The following AGL variants were observed in gnomAD, a reference collection of about 807,000 sequenced individuals.
The protein encoded by AGL is amylo-alpha-1,6-glucosidase and 4-alpha-glucanotransferase.
A neutral mutation model predicts 199.3 loss-of-function variants in AGL; 128 were observed. The ratio of observed to expected loss-of-function variants is 0.64; its 90% confidence interval spans 0.56 to 0.74. The LOEUF (loss-of-function observed/expected upper bound fraction) is 0.74. Ranked by LOEUF, AGL falls within the 30% of genes least tolerant of loss-of-function variation. AGL has a pLI of 0.00. For missense variants in AGL, 1,809 were observed against 1,820.8 expected (o/e 0.99, Z 0.12); for synonymous variants, 584 against 594.7 (o/e 0.98, Z 0.26).
chr1:99,898,742 G>T (rs1172537249), intron 25 of AGL, among the ~76,000 whole-genome samples: 1 of 152,136 alleles, frequency 6.6e-6, no homozygotes, highest in African/African-American at 2.4e-5. Flanking sequence ...GAGGGAAAGA[G>T]AGCTGGGGGA....
intron 26 of AGL, among the ~76,000 whole-genome samples, 156 bp downstream of exon 26, chr1:99,901,017 A>T (rs1339174788): frequency 1.3e-5 from 2 of 151,708 alleles, no homozygotes; most frequent in African/African-American, 4.8e-5. Flanking sequence ...ACTATAAGTG[A>T]TTGGTCTTTG....
chr1:99,876,585 T>C lies in AGL; in HGVS notation c.1411T>C (p.Phe471Leu). ...WVMGDDPLRN[F>L]AEPGSEVYLR... The stretch of plus-strand genomic sequence containing the variant: ...AATGGGAGATGATCCTCTTCGAAAC[T>C]TTGCTGAACCGGGTATGTAATTTTT... Residue 471 changes from phenylalanine (F) to leucine (L), a missense_variant, in exon 11 of 34, where the codon TTT becomes CTT. Physicochemically the swap from Phe to Leu is conservative, Grantham distance 22. Coordinates refer to ENST00000361915, the MANE Select transcript of AGL (RefSeq NM_000642.3). 1 of 1,614,030 alleles carries C rather than the reference T, an allele frequency of 6.2e-7. No homozygotes were observed. Among genetic ancestry groups the C allele is most frequent in the Non-Finnish European group, 8.5e-7 (1 of 1,179,960 alleles).
chr1:99,883,276 T>C lies in AGL; in HGVS notation c.2309-844T>C, dbSNP rs1012817239. Among the ~76,000 whole-genome samples the C allele has an allele frequency of 4.3e-4, 66 of 152,276 alleles. 1 individual carries two copies. The highest frequency in any genetic ancestry group is 1.8e-4 in the Non-Finnish European group (12 of 67,970). ...TGTTGCCAGATTAATGACTTAAAGC[T>C]TAAGTTATTTAAAGTAAGGTTGAAA... On this transcript the variant is annotated intron_variant, in intron 17 of 33. Coordinates refer to ENST00000361915, the MANE Select transcript of AGL (RefSeq NM_000642.3).
In AGL at chr1:99,920,007, A is replaced by AT. The variant is rs1243199536; in HGVS notation, c.4482-1522dup. ...GTCCCACCTAATGACTTCAGGATGA[A>AT]TTTTTCAGGAAAGCAAGGGAAAGGG... On this transcript the variant is annotated intron_variant, in intron 33 of 33. Transcript: ENST00000361915. 1.2e-4 allele frequency among the ~76,000 whole-genome samples: 19 copies of AT among 152,282 alleles called. No individual in the cohort carries two copies. The East Asian group carries it at 3.7e-3, about 29-fold the overall frequency.
intron 27 of AGL, among the ~76,000 whole-genome samples, chr1:99,907,825 TG>T (rs1240422758): frequency 6.6e-6 from 1 of 152,056 alleles, no homozygotes; most frequent in East Asian, 1.9e-4. Context: ...ATATCTTCTT[TG>T]GAGAAATGTC....
At chr1:99,866,001 C>T (rs893164265) in intron 5 of AGL, among the ~76,000 whole-genome samples, 2 of 152,106 alleles carry the variant, frequency 1.3e-5, no homozygotes, top group African/African-American at 2.4e-5. Context: ...GGTGCTGTGG[C>T]TTGCACCTGT....
chr1:99,872,388 A>G (rs926015368), intron 7 of AGL, among the ~76,000 whole-genome samples: 3 of 152,210 alleles, frequency 2.0e-5, no homozygotes, highest in Admixed American at 2.0e-4. Flanking sequence ...GGAATTATTG[A>G]GTCAAAGGGT....
At chr1:99,880,130 G>T (rs1042317913) in intron 13 of AGL, 84 bp downstream of exon 13, 12 of 1,567,102 alleles carry the variant, frequency 7.7e-6, no homozygotes, top group Admixed American at 1.7e-5. Flanking sequence ...CATATGCAAT[G>T]CTTAATAATT....
At chr1:99,901,594 G>T (rs1171159105) in intron 26 of AGL, among the ~76,000 whole-genome samples, 1 of 152,026 alleles carries the variant, frequency 6.6e-6, no homozygotes, top group Non-Finnish European at 1.5e-5. Context: ...GCCAGGTTAT[G>T]GAGAGCCTTG....
chr1:99,854,355 A>T (rs1649228170), intron 2 of AGL, among the ~76,000 whole-genome samples: 1 of 152,228 alleles, frequency 6.6e-6, no homozygotes, highest in African/African-American at 2.4e-5. Flanking sequence ...TTATGAAAAA[A>T]GAATGATGTG....
intron 6 of AGL, 71 bp from the exon 7 acceptor site, chr1:99,870,687 A>G (rs565695913): frequency 3.8e-5 from 55 of 1,443,930 alleles, no homozygotes; most frequent in South Asian, 1.2e-4. Context: ...AATATGATAA[A>G]CAGTATTTGC....
At chr1:99,853,157 T>G (rs1649119876) in intron 2 of AGL, among the ~76,000 whole-genome samples, 1 of 152,214 alleles carries the variant, frequency 6.6e-6, no homozygotes, top group East Asian at 1.9e-4. Context: ...GTCTCTTCCC[T>G]TTGTTATTAA....
chr1:99,881,414 TC>T lies in AGL; in HGVS notation c.2125del (p.His709IlefsTer21). On this transcript the variant is annotated frameshift_variant, in exon 16 of 34. Coordinates refer to ENST00000361915, the MANE Select transcript of AGL (RefSeq NM_000642.3). LOFTEE classifies it high-confidence loss of function. Reference sequence around the variant, plus strand: ...CAGCCAGGTGTGCTATCAGTAAACTTCATCAGGAGCTTGGAGCCAAGGGTTT... The same window carrying T: ...CAGCCAGGTGTGCTATCAGTAAACTTATCAGGAGCTTGGAGCCAAGGGTTT... Reference protein sequence around the residue: ...IAARCAISKLHQELGAKGFIQ... With the variant: ...IAARCAISKLXQELGAKGFIQ... 2 of 1,614,124 alleles carry T rather than the reference TC, an allele frequency of 1.2e-6. No homozygotes were observed. The highest frequency in any genetic ancestry group is 1.1e-5 in the South Asian group (1 of 91,086).
chr1:99,876,766 C>T (rs1557759897), intron 11 of AGL, among the ~76,000 whole-genome samples, 169 bp downstream of exon 11: 2 of 152,010 alleles, frequency 1.3e-5, no homozygotes, highest in East Asian at 1.9e-4. Flanking sequence ...ATGGAGCCAA[C>T]AAAAAAAGAA....
At chr1:99,911,476 T>A (rs1200143460) in intron 28 of AGL, among the ~76,000 whole-genome samples, 4 of 152,122 alleles carry the variant, frequency 2.6e-5, no homozygotes, top group Non-Finnish European at 5.9e-5. Flanking sequence ...AGAGCCTCAC[T>A]CTGTTGCCCA....
chr1:99,905,950 T>A (rs1399354744), intron 27 of AGL, among the ~76,000 whole-genome samples: 2 of 152,136 alleles, frequency 1.3e-5, no homozygotes, highest in Non-Finnish European at 2.9e-5. Context: ...GTTTTTACTA[T>A]TGGTTTTTTT....
chr1:99,872,874 T>A (rs917676892), intron 7 of AGL, among the ~76,000 whole-genome samples: 4 of 152,248 alleles, frequency 2.6e-5, no homozygotes, highest in Non-Finnish European at 4.4e-5. Context: ...TTTTTACACC[T>A]TGATTAGCTA....
intron 7 of AGL, among the ~76,000 whole-genome samples, chr1:99,873,077 C>T (rs1420448021): frequency 6.6e-6 from 1 of 151,968 alleles, no homozygotes; most frequent in Non-Finnish European, 1.5e-5. Context: ...TCTCTGATGG[C>T]TTCCAATTTC....
Position 99,902,670 on chromosome 1 carries a change from A to G in AGL, c.3589-13A>G, listed in dbSNP as rs1653935180. ...ATTTCTAACAGAGGTAACACCCATT[A>G]TGTCTCAAACAGGATCAGCCATTGT... is the stretch of plus-strand genomic sequence containing the variant. On this transcript the variant is annotated splice_polypyrimidine_tract_variant and intron_variant, in intron 26 of 33. Coordinates refer to ENST00000361915, the MANE Select transcript of AGL (RefSeq NM_000642.3). The G allele has an allele frequency of 1.3e-6, 2 of 1,594,430 alleles. No individual in the cohort carries two copies. Among genetic ancestry groups the G allele is most frequent in the South Asian group, 2.2e-5 (2 of 90,654 alleles).
Sources: gnomAD v4.1 joint callset for allele counts (sites outside exome capture counted in the v4.1 genomes callset) on GRCh38, gnomAD v4.1.1 for gene constraint, MANE v1.5 for transcripts, NCBI Gene and HGNC (gene_info 2026-07-23, HGNC 2026-07-21) for gene names.